Variants in IRAG1 observed in about 807,000 individuals in gnomAD.
The protein encoded by IRAG1 is IP3R-associated cGMP kinase substrate.
A neutral mutation model predicts 106.2 loss-of-function variants in IRAG1; 62 were observed. The ratio of observed to expected loss-of-function variants is 0.58; its 90% CI spans 0.48 to 0.72. IRAG1 has a LOEUF of 0.72. Ranked by LOEUF, IRAG1 falls within the 30% of genes least tolerant of loss-of-function variation. The pLI, the probability that IRAG1 is intolerant of heterozygous loss-of-function variation, is 0.00. For missense variants in IRAG1, 1,064 were observed against 1,140.7 expected, an observed-to-expected ratio of 0.93 and a Z score of 0.97; for synonymous variants, 462 against 443.9, an observed-to-expected ratio of 1.04 and a Z score of -0.51.
intron 20 of IRAG1, among the ~76,000 whole-genome samples, 174 bp downstream of exon 20, chr11:10,580,281 T>C (rs77541067): frequency 0.027 from 4,183 of 152,272 alleles, 83 homozygotes; most frequent in African/African-American, 0.058. Context: ...TCTTTGGGAT[T>C]TCCTCTACCT....
chr11:10,609,820 C>G lies in IRAG1; in HGVS notation c.1479G>C (p.Glu493Asp), dbSNP rs753224580. The change falls in exon 11 of 21, where the codon GAG becomes GAC. Residue 493 changes from glutamate (E) to aspartate (D), a missense_variant. Physicochemically the swap from Glu to Asp is conservative, Grantham distance 45. Coordinates refer to ENST00000423302, the MANE Select transcript of IRAG1 (RefSeq NM_130385.4). ...CTAAGCCACTCTTTGACTCTTCTTCCTCAATAGCTGGGGAGAGTTCAGAAG... is the reference window on the plus strand; with the variant it reads ...CTAAGCCACTCTTTGACTCTTCTTCGTCAATAGCTGGGGAGAGTTCAGAAG... The part of the protein sequence containing the change: ...GLPSELSPAI[E>D]EEESKSGLDV... The G allele has an allele frequency of 3.7e-6, 6 of 1,613,930 alleles. No homozygotes were observed. Among genetic ancestry groups the G allele is most frequent in the Non-Finnish European group, 5.1e-6 (6 of 1,179,860 alleles).
chr11:10,609,450 G>T (rs896594701), intron 11 of IRAG1, among the ~76,000 whole-genome samples: 1 of 152,118 alleles, frequency 6.6e-6, no homozygotes, highest in African/African-American at 2.4e-5. Context: ...ATGTCTCCTG[G>T]CTCAAAGCCC....
rs138208619 is a variant in IRAG1, at chr11:10,627,601, A to G, written c.750+115T>C. The G allele has an allele frequency of 9.6e-4, 1,035 of 1,077,264 alleles. 5 individuals carry two copies. The African/African-American group carries it at 0.014, about 15-fold the overall frequency. The allele number at this position is 1,077,264 out of a possible 1,614,324, so 66.7% of individuals were successfully genotyped here. On this transcript the variant is annotated intron_variant, in intron 8 of 20. Coordinates refer to ENST00000423302, the MANE Select transcript of IRAG1 (RefSeq NM_130385.4). Reference sequence around the variant, plus strand: ...GCTGTTTCCCCAGCCCTGACCCTCCACTCATACGTGTGCATGCACACACAC... The same window carrying G: ...GCTGTTTCCCCAGCCCTGACCCTCCGCTCATACGTGTGCATGCACACACAC...
Position 10,604,561 on chromosome 11 carries a change from GT to G in IRAG1, c.1603-17del. 1 of 1,613,990 alleles carries G rather than the reference GT, an allele frequency of 6.2e-7. No individual in the cohort carries two copies. Among genetic ancestry groups the G allele is most frequent in the Non-Finnish European group, 8.5e-7 (1 of 1,179,864 alleles). ...CAAACACGTTCTGTTGGGAACAAGGGTGTGAGAGAGGTGCTGGGAGGAGTTA... is the reference window on the plus strand; with the variant it reads ...CAAACACGTTCTGTTGGGAACAAGGGGTGAGAGAGGTGCTGGGAGGAGTTA... On this transcript the variant is annotated splice_polypyrimidine_tract_variant and intron_variant, in intron 12 of 20. Transcript: ENST00000423302.
At chr11:10,594,495 T>C (rs772069479) in intron 15 of IRAG1, among the ~76,000 whole-genome samples, 3 of 152,182 alleles carry the variant, frequency 2.0e-5, no homozygotes, top group Non-Finnish European at 2.9e-5. Flanking sequence ...ACACCCTAGA[T>C]AGTGTATGAA....
chr11:10,632,185 TC>T, intron 3 of IRAG1, 124 bp from the exon 4 acceptor site: 1 of 681,018 alleles, frequency 1.5e-6, no homozygotes. Context: ...TTTCCTTCTT[TC>T]TTTCTTTTTT....
At chr11:10,650,183 ATGT>A (rs1318351588) in intron 2 of IRAG1, among the ~76,000 whole-genome samples, 13 of 152,210 alleles carry the variant, frequency 8.5e-5, no homozygotes, top group Non-Finnish European at 5.9e-5. Flanking sequence ...TGGGATCAAG[ATGT>A]TGTAGAACTT....
rs900632265 is a variant in IRAG1, at chr11:10,617,018, GTTGGGGATAAAC to G, written c.1447+6748_1447+6759del. On this transcript the variant is annotated intron_variant, in intron 10 of 20. Transcript: ENST00000423302. ...TGGTTCCTAAAAGTCAAAGCTGCTA[GTTGGGGATAAAC>G]TTTTTTTTACCTCTTTCTTCTCAGG... 1.2e-5 allele frequency: 12 copies of G among 965,248 alleles called. No homozygotes were observed. The African/African-American group carries it at 2.3e-4, about 19-fold the overall frequency. The allele number at this position is 965,248 out of a possible 1,614,324, so 59.8% of individuals were successfully genotyped here. A position where few individuals can be genotyped will look rare whatever the true frequency, so the allele number is the denominator to read the frequency against.
intron 19 of IRAG1, among the ~76,000 whole-genome samples, chr11:10,581,544 G>A (rs1013514080): frequency 2.6e-5 from 4 of 152,080 alleles, no homozygotes; most frequent in Admixed American, 1.3e-4. Flanking sequence ...CTTTGAGCAC[G>A]TGTCAGGAAG....
intron 1 of IRAG1, among the ~76,000 whole-genome samples, chr11:10,666,270 C>T (rs1390340686): frequency 1.3e-5 from 2 of 152,166 alleles, no homozygotes; most frequent in African/African-American, 4.8e-5. Context: ...TTACAACAGC[C>T]CTGCATGGTA....
chr11:10,652,362 T>G (rs1214335787), intron 1 of IRAG1, 180 bp from the exon 2 acceptor site: 5 of 1,429,330 alleles, frequency 3.5e-6, no homozygotes, highest in Admixed American at 2.9e-5. Flanking sequence ...CTGGCTTTGT[T>G]TACAAAGTCA....
chr11:10,651,826 T>C (rs545713569), intron 2 of IRAG1, among the ~76,000 whole-genome samples, 199 bp downstream of exon 2: 2 of 152,190 alleles, frequency 1.3e-5, no homozygotes, highest in African/African-American at 4.8e-5. Context: ...CCCAGAATAT[T>C]TGGGGCCTCG....
At chr11:10,675,397 G>A (rs751396391) in intron 1 of IRAG1, among the ~76,000 whole-genome samples, 4 of 152,158 alleles carry the variant, frequency 2.6e-5, no homozygotes, top group African/African-American at 9.7e-5. Context: ...ATTCATGCCT[G>A]CCACTTGCTG....
At chr11:10,612,711 GAAACATAGTTGCAAGAA>G (rs1386096582) in intron 10 of IRAG1, among the ~76,000 whole-genome samples, 2 of 152,094 alleles carry the variant, frequency 1.3e-5, no homozygotes, top group Non-Finnish European at 2.9e-5. Context: ...TGTCAGGATG[GAAACATAGTTGCAAGAA>G]ACACATCAAA....
intron 11 of IRAG1, among the ~76,000 whole-genome samples, chr11:10,608,466 T>TG (rs1854664450): frequency 6.6e-6 from 1 of 151,792 alleles, no homozygotes. Context: ...AGTGGGGGTC[T>TG]GGGGGGAAAC....
intron 1 of IRAG1, among the ~76,000 whole-genome samples, chr11:10,677,337 T>C (rs2135157706): frequency 6.6e-6 from 1 of 152,334 alleles, no homozygotes; most frequent in East Asian, 1.9e-4. Context: ...CCCTTGTACA[T>C]ACTGTAGTAC....
At chr11:10,616,297 A>AG (rs1206002841) in intron 10 of IRAG1, among the ~76,000 whole-genome samples, 2 of 151,842 alleles carry the variant, frequency 1.3e-5, no homozygotes, top group East Asian at 3.9e-4. Context: ...TCTCAAAAAA[A>AG]AAAAAAAAGA....
At chr11:10,629,783 T>C in intron 4 of IRAG1, 72 bp from the exon 5 acceptor site, 1 of 1,474,408 alleles carries the variant, frequency 6.8e-7, no homozygotes, top group Non-Finnish European at 9.2e-7. Context: ...TGCCATACCA[T>C]GCCTCATCCC....
At chr11:10,584,181 C>T (rs1005364860) in intron 18 of IRAG1, among the ~76,000 whole-genome samples, 2 of 152,130 alleles carry the variant, frequency 1.3e-5, no homozygotes, top group South Asian at 2.1e-4. Flanking sequence ...ACACTGTGAG[C>T]AGAGCTTTCC....
Sources: gnomAD v4.1 joint callset for allele counts (sites outside exome capture counted in the v4.1 genomes callset) on GRCh38, gnomAD v4.1.1 for gene constraint, MANE v1.5 for transcripts, NCBI Gene and HGNC (gene_info 2026-07-23, HGNC 2026-07-21) for gene names.